SHANK2: variants seen among roughly 807,000 people sequenced by gnomAD.
SHANK2 encodes SH3 and multiple ankyrin repeat domains 2.
SHANK2 carries 43 observed loss-of-function variants against 133.7 expected under a neutral mutation model. The observed-to-expected ratio is 0.32, with a 90% CI of 0.25 to 0.41. The LOEUF (loss-of-function observed/expected upper bound fraction) is 0.41. SHANK2 is among the 10% of genes least tolerant of loss of function. SHANK2 has a pLI of 1.00. For synonymous variants in SHANK2, 1,017 were observed against 952.8 expected (o/e 1.07, Z -1.24); for missense variants, 1,994 against 2,235.8 (o/e 0.89, Z 2.18).
At chr11:70,943,490 T>G (rs1446525816) in intron 10 of SHANK2, among the ~76,000 whole-genome samples, 1 of 152,044 alleles carries the variant, frequency 6.6e-6, no homozygotes, top group African/African-American at 2.4e-5. Flanking sequence ...GCTTTTCCCA[T>G]GCAAACAGAG....
At chr11:70,474,077 G>A (rs940981345) in intron 25 of SHANK2, 2 of 175,652 alleles carry the variant, frequency 1.1e-5, no homozygotes, top group Non-Finnish European at 2.5e-5. Flanking sequence ...CTCAGGGGTT[G>A]AGATCACCCG....
At chr11:70,595,122 G>T (rs2060380956) in intron 17 of SHANK2, among the ~76,000 whole-genome samples, 1 of 152,118 alleles carries the variant, frequency 6.6e-6, no homozygotes, top group East Asian at 1.9e-4. Flanking sequence ...CCTGCCAATG[G>T]GCCCAAGGCT....
At chr11:70,691,750 C>T (rs982700589) in intron 15 of SHANK2, among the ~76,000 whole-genome samples, 19 of 152,086 alleles carry the variant, frequency 1.2e-4, no homozygotes, top group Admixed American at 1.1e-3. Context: ...AATAATTAGC[C>T]AGGCATGGTG....
intron 10 of SHANK2, among the ~76,000 whole-genome samples, chr11:70,933,813 G>A (rs998788938): frequency 2.6e-5 from 4 of 151,624 alleles, no homozygotes; most frequent in East Asian, 1.9e-4. Context: ...CCAGCTACTC[G>A]GGAGGCTGAG....
intron 8 of SHANK2, among the ~76,000 whole-genome samples, chr11:71,091,207 G>A (rs1951513046): frequency 6.6e-6 from 1 of 152,176 alleles, no homozygotes; most frequent in Admixed American, 6.5e-5. Flanking sequence ...TTCCCTGCCT[G>A]CGGGCTCCAG....
intron 2 of SHANK2, among the ~76,000 whole-genome samples, chr11:71,224,422 G>T (rs1555121863): frequency 6.6e-6 from 1 of 152,200 alleles, no homozygotes; most frequent in African/African-American, 2.4e-5. Context: ...CCCTGACTGG[G>T]TCTAGCCTGG....
intron 14 of SHANK2, among the ~76,000 whole-genome samples, chr11:70,740,471 T>G (rs1350718172): frequency 1.3e-5 from 2 of 152,108 alleles, no homozygotes; most frequent in East Asian, 3.8e-4. Context: ...TTCCTGAAGC[T>G]TCCCCGGTCT....
intron 15 of SHANK2, among the ~76,000 whole-genome samples, chr11:70,681,130 C>A (rs1565237278): frequency 6.6e-6 from 1 of 152,318 alleles, no homozygotes; most frequent in Admixed American, 6.5e-5. Context: ...TGCCTTGGGG[C>A]TGCCGGCACC....
chr11:70,646,820 TTTTATTTATTTTATTTATTTATTTATTTA>T (rs1240896197), intron 17 of SHANK2, among the ~76,000 whole-genome samples: 30 of 140,138 alleles, frequency 2.1e-4, no homozygotes, highest in South Asian at 4.5e-4. Flanking sequence ...GGAATCTAAC[TTTTATTTATTTTATTTATTTATTTATTTA>T]TTTATTTATT....
intron 10 of SHANK2, 49 bp from the exon 11 acceptor site, chr11:70,896,616 AT>A: frequency 1.4e-6 from 1 of 716,216 alleles, no homozygotes; most frequent in Admixed American, 2.0e-5. Context: ...CAGAACAATG[AT>A]TTCTGCATAT....
intron 17 of SHANK2, among the ~76,000 whole-genome samples, chr11:70,538,605 A>T (rs1554974577): frequency 1.3e-5 from 2 of 152,192 alleles, no homozygotes; most frequent in East Asian, 3.9e-4. Flanking sequence ...CGTGGGGCTA[A>T]CCTGTCTGCT....
At chr11:70,742,957 T>C (rs1946560696) in intron 14 of SHANK2, among the ~76,000 whole-genome samples, 1 of 152,250 alleles carries the variant, frequency 6.6e-6, no homozygotes, top group African/African-American at 2.4e-5. Context: ...CTGGCGTCCT[T>C]GGATGTCTGG....
intron 14 of SHANK2, among the ~76,000 whole-genome samples, chr11:70,737,438 C>G (rs1409900767): frequency 6.6e-6 from 1 of 152,142 alleles, no homozygotes; most frequent in Admixed American, 6.5e-5. Context: ...GGTGGCCTGG[C>G]CTTCTTTGAG....
intron 11 of SHANK2, chr11:70,863,348 C>G (rs145973493): frequency 4.4e-6 from 2 of 457,996 alleles, no homozygotes; most frequent in East Asian, 1.4e-4. Context: ...GCCGGCTCCC[C>G]GAACACAGCC....
intron 1 of SHANK2, among the ~76,000 whole-genome samples, chr11:71,225,298 G>A (rs1954621629): frequency 6.6e-6 from 1 of 152,220 alleles, no homozygotes; most frequent in Non-Finnish European, 1.5e-5. Flanking sequence ...AGGGAGTCTA[G>A]ATTTCCACCC....
chr11:70,913,880 C>A (rs1418741654), intron 10 of SHANK2, among the ~76,000 whole-genome samples: 1 of 152,234 alleles, frequency 6.6e-6, no homozygotes, highest in African/African-American at 2.4e-5. Context: ...GAAAACAACA[C>A]TCACGTTTAA....
At chr11:70,860,592 G>A (rs1234867535) in intron 11 of SHANK2, among the ~76,000 whole-genome samples, 1 of 152,240 alleles carries the variant, frequency 6.6e-6, no homozygotes, top group Non-Finnish European at 1.5e-5. Context: ...GTGAATGAAC[G>A]AGGACAAATG....
At chr11:70,656,465 A>T (rs1555011634) in intron 17 of SHANK2, among the ~76,000 whole-genome samples, 1 of 152,010 alleles carries the variant, frequency 6.6e-6, no homozygotes, top group East Asian at 1.9e-4. Flanking sequence ...TCCCACGGGC[A>T]TTCTCCGCAG....
chr11:71,203,377 A>G (rs1954060161), intron 2 of SHANK2, among the ~76,000 whole-genome samples: 1 of 152,228 alleles, frequency 6.6e-6, no homozygotes, highest in Non-Finnish European at 1.5e-5. Flanking sequence ...TAAATGGTCA[A>G]ACCAAGATTT....
Sources: allele counts gnomAD v4.1 joint callset (sites outside exome capture counted in the v4.1 genomes callset), GRCh38; gene constraint gnomAD v4.1.1; transcripts MANE v1.5; gene names NCBI Gene and HGNC (gene_info 2026-07-23, HGNC 2026-07-21).